The following KNG1 variants were observed in gnomAD, a reference collection of about 807,000 sequenced individuals.
The protein encoded by KNG1 is kininogen 1.
In KNG1, 23 loss-of-function variants were observed where a neutral mutation model predicts 47.8. That is an observed-to-expected ratio of 0.48 (90% CI 0.35 to 0.68). The LOEUF (loss-of-function observed/expected upper bound fraction) is 0.68. Ranked by LOEUF, KNG1 falls within the 30% of genes least tolerant of loss-of-function variation. The pLI, the probability that KNG1 is intolerant of heterozygous loss-of-function variation, is 0.01. For missense variants in KNG1, 762 were observed against 790.2 expected (o/e 0.96, Z 0.43); for synonymous variants, 277 against 277.0 (o/e 1.00, Z 0.00).
intron 7 of KNG1, among the ~76,000 whole-genome samples, chr3:186,737,911 G>A (rs140366894): frequency 6.6e-6 from 1 of 151,836 alleles, no homozygotes; most frequent in African/African-American, 2.4e-5. Flanking sequence ...TGAGAAATTG[G>A]GCCACAAAAT....
In KNG1 at chr3:186,743,384, C is replaced by A; in HGVS notation, c.*1053C>A. 1 of 280,010 alleles carries A rather than the reference C, an allele frequency of 3.6e-6. No individual in the cohort carries two copies. Among genetic ancestry groups the A allele is most frequent in the African/African-American group, 2.2e-5 (1 of 45,814 alleles). 17.3% of individuals were successfully genotyped at this position (280,010 alleles called of 1,614,324 possible). A position where few individuals can be genotyped will look rare whatever the true frequency, so the allele number is the denominator to read the frequency against. ...TTGAAGACCATTGATTTTTGAGAAG[C>A]AGAATAATAGGATTGCCTTTCATTG... On this transcript the variant is annotated 3_prime_UTR_variant, in exon 10 of 10. Transcript: ENST00000644859.
intron 5 of KNG1, among the ~76,000 whole-genome samples, chr3:186,730,371 T>C (rs1163324186): frequency 6.6e-6 from 1 of 151,914 alleles, no homozygotes; most frequent in African/African-American, 2.4e-5. Context: ...TAAAAATATT[T>C]GTATGATACT....
In KNG1 at chr3:186,732,596, C is replaced by T. The variant is rs1221156298; in HGVS notation, c.852C>T (p.His284=). The T allele has an allele frequency of 1.4e-5, 22 of 1,613,870 alleles. No individual in the cohort carries two copies. The highest frequency in any genetic ancestry group is 3.3e-4 in the Middle Eastern group (2 of 6,084). The change falls in exon 7 of 10, where the codon CAC becomes CAT. Residue 284 remains histidine (H), a synonymous_variant. Coordinates refer to ENST00000644859, the MANE Select transcript of KNG1 (RefSeq NM_001102416.3). ...CAGAGCTGGAGGAGACACTGACTCACACCATCACAAAGCTTAATGCAGAGA... is the reference window on the plus strand; with the variant it reads ...CAGAGCTGGAGGAGACACTGACTCATACCATCACAAAGCTTAATGCAGAGA... The part of the protein sequence containing the change: ...NSPELEETLT[H]TITKLNAENN...
chr3:186,727,373 T>A (rs371697437), intron 5 of KNG1, 29 bp downstream of exon 5: 403 of 1,356,882 alleles, frequency 3.0e-4, no homozygotes, highest in Non-Finnish European at 4.1e-4. Flanking sequence ...AATGATAAAG[T>A]TCTTAGCATT....
At chr3:186,717,828 C>A (rs1720030033) in intron 1 of KNG1, 91 bp downstream of exon 1, 1 of 856,020 alleles carries the variant, frequency 1.2e-6, no homozygotes, top group Admixed American at 2.0e-5. Flanking sequence ...ATACCACCAC[C>A]AGCACCCACC....
At chr3:186,726,761 C>T (rs1428926663) in intron 4 of KNG1, among the ~76,000 whole-genome samples, 1 of 151,900 alleles carries the variant, frequency 6.6e-6, no homozygotes, top group Non-Finnish European at 1.5e-5. Context: ...TGGGAGAGGC[C>T]CAGAATAAAG....
chr3:186,742,295 A>C lies in KNG1; in HGVS notation c.1899A>C (p.Glu633Asp). The stretch of plus-strand genomic sequence containing the variant: ...TTAATCCAACCACACAAATGAAAGA[A>C]TCTTATTATTTCGATCTCACTGATG... ...SEINPTTQMKESYYFDLTDGL... is the reference protein window; with the variant it reads ...SEINPTTQMKDSYYFDLTDGL... Residue 633 changes from glutamate (E) to aspartate (D), a missense_variant, in exon 10 of 10, where the codon GAA becomes GAC. Coordinates refer to ENST00000644859, the MANE Select transcript of KNG1 (RefSeq NM_001102416.3). The C allele has an allele frequency of 5.0e-6, 8 of 1,614,174 alleles. No homozygotes were observed. Among genetic ancestry groups the C allele is most frequent in the Non-Finnish European group, 5.9e-6 (7 of 1,180,018 alleles).
chr3:186,722,664 A>T, intron 3 of KNG1, 143 bp downstream of exon 3: 1 of 721,576 alleles, frequency 1.4e-6, no homozygotes, highest in East Asian at 2.7e-5. Context: ...CATTGGGTGG[A>T]GCGGCAGAGC....
chr3:186,743,846 A>C lies in KNG1; in HGVS notation c.*1515A>C. Reference sequence around the variant, plus strand: ...CCAACCACCTCTGCCAGCAACCTTGAGAGGAAGGACAAGAAGAAAGATGGG... The same window carrying C: ...CCAACCACCTCTGCCAGCAACCTTGCGAGGAAGGACAAGAAGAAAGATGGG... On this transcript the variant is annotated 3_prime_UTR_variant, in exon 10 of 10. Coordinates refer to ENST00000644859, the MANE Select transcript of KNG1 (RefSeq NM_001102416.3). 2 of 1,144,990 alleles carry C rather than the reference A, an allele frequency of 1.7e-6. No individual in the cohort carries two copies. The highest frequency in any genetic ancestry group is 2.5e-5 in the South Asian group (2 of 81,370). 70.9% of individuals were successfully genotyped at this position (1,144,990 alleles called of 1,614,324 possible). A position where few individuals can be genotyped will look rare whatever the true frequency, so the allele number is the denominator to read the frequency against.
chr3:186,727,247 G>A lies in KNG1; in HGVS notation c.575G>A (p.Gly192Glu), dbSNP rs777023083. Reference sequence around the variant, plus strand: ...CTGAAATTGTTTCAGGTGGTGGCTGGATTGAACTTTCGAATTACCTACTCA... The same window carrying A: ...CTGAAATTGTTTCAGGTGGTGGCTGAATTGAACTTTCGAATTACCTACTCA... ...VKRAQRQVVA[G>E]LNFRITYSIV... The change falls in exon 5 of 10, where the codon GGA becomes GAA. Residue 192 changes from glycine to glutamate, a missense_variant. Physicochemically the swap from Gly to Glu is moderately conservative, Grantham distance 98. Transcript: ENST00000644859. 6.2e-7 allele frequency: 1 copy of A among 1,610,832 alleles called. No individual in the cohort carries two copies. Among genetic ancestry groups the A allele is most frequent in the Admixed American group, 1.7e-5 (1 of 59,978 alleles).
In KNG1 at chr3:186,731,535, T is replaced by G; in HGVS notation, c.673-10T>G. The stretch of plus-strand genomic sequence containing the variant: ...TTTAACTGAGCACTTATATGCTTTT[T>G]AAAAACCAGGATACCGGTGAATGTA... On this transcript the variant is annotated splice_polypyrimidine_tract_variant and intron_variant, in intron 5 of 9. Transcript: ENST00000644859. The G allele has an allele frequency of 1.3e-6, 2 of 1,590,870 alleles. No homozygotes were observed. The highest frequency in any genetic ancestry group is 1.7e-6 in the Non-Finnish European group (2 of 1,158,948).
intron 3 of KNG1, among the ~76,000 whole-genome samples, chr3:186,724,826 C>T (rs1309353227): frequency 1.3e-5 from 2 of 151,922 alleles, no homozygotes; most frequent in African/African-American, 4.8e-5. Flanking sequence ...CTCAGCCCCC[C>T]GAGTAGCTGG....
chr3:186,737,875 T>TA (rs1178837496), intron 7 of KNG1, among the ~76,000 whole-genome samples: 1 of 151,860 alleles, frequency 6.6e-6, no homozygotes, highest in African/African-American at 2.4e-5. Flanking sequence ...ATTTAAATAC[T>TA]ATGATTTAAT....
chr3:186,743,783 T>G lies in KNG1; in HGVS notation c.*1452T>G, dbSNP rs757289294. On this transcript the variant is annotated 3_prime_UTR_variant, in exon 10 of 10. Transcript: ENST00000644859. ...GCCAGCATCTGAGAGGGAGGTCTCT[T>G]GACCAATGGGCAGAATCTTCACTCC... 1.2e-6 allele frequency: 2 copies of G among 1,613,200 alleles called. No homozygotes were observed. Among genetic ancestry groups the G allele is most frequent in the Non-Finnish European group, 1.7e-6 (2 of 1,179,250 alleles).
Position 186,743,508 on chromosome 3 carries a change from GTA to G in KNG1, c.*1181_*1182del. The G allele has an allele frequency of 1.7e-6, 1 of 593,732 alleles. No individual in the cohort carries two copies. 36.8% of individuals were successfully genotyped at this position (593,732 alleles called of 1,614,324 possible). On this transcript the variant is annotated 3_prime_UTR_variant, in exon 10 of 10. Coordinates refer to ENST00000644859, the MANE Select transcript of KNG1 (RefSeq NM_001102416.3). ...TAAATAGCTACAATCATCTTTGGATGTATATGTCACTGCTGCTTCAAGTTATT... is the reference window on the plus strand; with the variant it reads ...TAAATAGCTACAATCATCTTTGGATGTATGTCACTGCTGCTTCAAGTTATT...
At position 186,742,447 on chromosome 3, in the gene KNG1, C is replaced by T. The variant is rs940209556; in HGVS notation, c.*116C>T. The T allele has an allele frequency of 1.2e-5, 18 of 1,535,254 alleles. No homozygotes were observed. The highest frequency in any genetic ancestry group is 1.9e-4 in the Middle Eastern group (1 of 5,380). ...CACCAAAAACCATGCAGCTTCGGAA[C>T]AGTCTAAAGAGAAGTGGTGAGACTC... On this transcript the variant is annotated 3_prime_UTR_variant, in exon 10 of 10. Coordinates refer to ENST00000644859, the MANE Select transcript of KNG1 (RefSeq NM_001102416.3).
chr3:186,724,612 T>C (rs1486293724), intron 3 of KNG1, among the ~76,000 whole-genome samples: 1 of 152,184 alleles, frequency 6.6e-6, no homozygotes, highest in African/African-American at 2.4e-5. Context: ...CTTGGTTTTT[T>C]TATTGGTGAG....
Position 186,731,589 on chromosome 3 carries a change from A to G in KNG1, c.717A>G (p.Leu239=). The change falls in exon 6 of 10, where the codon CTA becomes CTG. Residue 239 remains leucine (L), a synonymous_variant. Coordinates refer to ENST00000644859, the MANE Select transcript of KNG1 (RefSeq NM_001102416.3). The part of the protein sequence containing the change: ...CTDNAYIDIQ[L]RIASFSQNCD... ...ATAATGCATACATCGATATTCAGCT[A>G]CGAATTGCTTCCTTCTCACAGAACT... 6.2e-7 allele frequency: 1 copy of G among 1,611,940 alleles called. No homozygotes were observed. Among genetic ancestry groups the G allele is most frequent in the South Asian group, 1.1e-5 (1 of 91,034 alleles).
intron 6 of KNG1, among the ~76,000 whole-genome samples, chr3:186,732,168 T>C (rs1002154068): frequency 1.3e-5 from 2 of 152,204 alleles, no homozygotes; most frequent in African/African-American, 4.8e-5. Flanking sequence ...CCATAGCACT[T>C]AAACTTTTCT....
Sources: allele counts gnomAD v4.1 joint callset (sites outside exome capture counted in the v4.1 genomes callset), GRCh38; gene constraint gnomAD v4.1.1; transcripts MANE v1.5; gene names NCBI Gene and HGNC (gene_info 2026-07-23, HGNC 2026-07-21).